HTR4: variants seen among roughly 807,000 people sequenced by gnomAD.
The protein encoded by HTR4 is 5-hydroxytryptamine (serotonin) receptor 4, G protein-coupled.
HTR4 carries 16 observed loss-of-function variants against 36.8 expected under a neutral mutation model. The ratio of observed to expected loss-of-function variants is 0.43; its 90% CI spans 0.29 to 0.66. The LOEUF is 0.66. Among genes scored for constraint, HTR4 ranks in the 30% least tolerant of loss-of-function variants. The pLI, the probability that HTR4 is intolerant of heterozygous loss-of-function variation, is 0.13. For synonymous variants in HTR4, 189 were observed against 185.1 expected, an observed-to-expected ratio of 1.02 and a Z score of -0.17; for missense variants, 438 against 490.9, an observed-to-expected ratio of 0.89 and a Z score of 1.02.
intron 5 of HTR4, among the ~76,000 whole-genome samples, chr5:148,515,535 C>T (rs566814432): frequency 1.3e-5 from 2 of 152,196 alleles, no homozygotes; most frequent in Admixed American, 6.5e-5. Flanking sequence ...AAATTCCCTT[C>T]GTTTTTGTTT....
chr5:148,652,501 G>C (rs1421476030), intron 1 of HTR4, among the ~76,000 whole-genome samples: 1 of 152,208 alleles, frequency 6.6e-6, no homozygotes, highest in Non-Finnish European at 1.5e-5. Flanking sequence ...AGGTCCAGAA[G>C]AGCAGGGTGA....
chr5:148,507,158 A>T (rs937413257), intron 6 of HTR4, among the ~76,000 whole-genome samples: 1 of 151,970 alleles, frequency 6.6e-6, no homozygotes, highest in Non-Finnish European at 1.5e-5. Flanking sequence ...GATTAAGAAA[A>T]TGTGGCACAT....
intron 2 of HTR4, among the ~76,000 whole-genome samples, chr5:148,635,208 T>G (rs191946977): frequency 1.1e-4 from 17 of 152,320 alleles, no homozygotes; most frequent in African/African-American, 4.1e-4. Flanking sequence ...ATTGTTGGCA[T>G]ACCACCTAAA....
intron 4 of HTR4, among the ~76,000 whole-genome samples, chr5:148,543,376 G>C (rs1376078896): frequency 6.6e-6 from 1 of 152,158 alleles, no homozygotes; most frequent in Non-Finnish European, 1.5e-5. Flanking sequence ...TCAAATCCTT[G>C]TAGAGAGCCA....
At chr5:148,477,565 C>A (rs138717456), downstream of HTR4, among the ~76,000 whole-genome samples, 42 of 152,278 alleles carry the variant, frequency 2.8e-4, no homozygotes, top group East Asian at 7.5e-3. Flanking sequence ...TGGAAAAATT[C>A]CACATTAACT....
At chr5:148,481,535 CTT>C, downstream of HTR4, 2 of 1,427,934 alleles carry the variant, frequency 1.4e-6, no homozygotes, top group Admixed American at 2.1e-5. Flanking sequence ...GACAGAGAGG[CTT>C]TTTTTTTTCT....
downstream of HTR4, chr5:148,481,487 A>G (rs1428277018): frequency 7.5e-7 from 1 of 1,334,236 alleles, no homozygotes. Flanking sequence ...CCTTCCCTAA[A>G]ACATGACTTT....
At chr5:148,511,619 T>TTGTGTG (rs529668445) in intron 5 of HTR4, among the ~76,000 whole-genome samples, 1,491 of 139,286 alleles carry the variant, frequency 0.011, 17 homozygotes, top group African/African-American at 0.034. Flanking sequence ...TTGTGGAAGT[T>TTGTGTG]TGTGTGTGTG....
chr5:148,464,647 G>C (rs781615539), intron 5 of HTR4, among the ~76,000 whole-genome samples: 1 of 152,148 alleles, frequency 6.6e-6, no homozygotes, highest in Non-Finnish European at 1.5e-5. Context: ...ATGCAAAATG[G>C]TTTAGCCACT....
intron 2 of HTR4, among the ~76,000 whole-genome samples, 156 bp from the exon 3 acceptor site, chr5:148,550,418 C>G (rs888494745): frequency 6.6e-6 from 1 of 152,170 alleles, no homozygotes; most frequent in Non-Finnish European, 1.5e-5. Context: ...AAATCTGAAC[C>G]GGTCGCTTGA....
chr5:148,638,504 T>C (rs1299824899), intron 1 of HTR4, among the ~76,000 whole-genome samples: 1 of 152,204 alleles, frequency 6.6e-6, no homozygotes, highest in Admixed American at 6.5e-5. Context: ...TACTATTCAC[T>C]GTAGACTCCC....
intron 2 of HTR4, among the ~76,000 whole-genome samples, chr5:148,595,683 T>C (rs1018179373): frequency 2.0e-5 from 3 of 152,348 alleles, no homozygotes; most frequent in African/African-American, 7.2e-5. Flanking sequence ...GCAAATCATC[T>C]TGCCGTAAGC....
intron 2 of HTR4, among the ~76,000 whole-genome samples, chr5:148,559,683 C>T (rs1760104118): frequency 6.6e-6 from 1 of 152,120 alleles, no homozygotes; most frequent in Non-Finnish European, 1.5e-5. Context: ...AGGACTTGTT[C>T]AATGACTGCG....
intron 6 of HTR4, among the ~76,000 whole-genome samples, chr5:148,498,059 A>G (rs954033247): frequency 6.6e-6 from 1 of 152,222 alleles, no homozygotes; most frequent in Non-Finnish European, 1.5e-5. Flanking sequence ...TACACTAGTT[A>G]GTACAATTTT....
At chr5:148,574,918 A>T (rs1389380757) in intron 2 of HTR4, among the ~76,000 whole-genome samples, 1 of 152,104 alleles carries the variant, frequency 6.6e-6, no homozygotes, top group East Asian at 1.9e-4. Flanking sequence ...TGGAGCTTAT[A>T]ATAACCCAAG....
chr5:148,521,454 A>T (rs976634962), intron 5 of HTR4, among the ~76,000 whole-genome samples: 3 of 151,870 alleles, frequency 2.0e-5, no homozygotes, highest in Non-Finnish European at 2.9e-5. Context: ...TCAAGCTGTG[A>T]TATCAGTTTT....
chr5:148,509,403 C>T (rs758704714), intron 6 of HTR4, 53 bp downstream of exon 6: 1 of 1,345,598 alleles, frequency 7.4e-7, no homozygotes, highest in Non-Finnish European at 1.0e-6. Context: ...GAGCATTACC[C>T]CTTCTGAGTA....
chr5:148,567,033 C>T (rs906090394), intron 2 of HTR4, among the ~76,000 whole-genome samples: 1 of 151,908 alleles, frequency 6.6e-6, no homozygotes, highest in Non-Finnish European at 1.5e-5. Context: ...TATATGAAAT[C>T]CGCACGTATT....
intron 2 of HTR4, among the ~76,000 whole-genome samples, chr5:148,623,139 G>T (rs1271020405): frequency 1.3e-5 from 2 of 152,062 alleles, no homozygotes; most frequent in East Asian, 1.9e-4. Flanking sequence ...AGAGGAAGAG[G>T]AGGAAAAGAC....
Sources: allele counts gnomAD v4.1 joint callset (sites outside exome capture counted in the v4.1 genomes callset), GRCh38; gene constraint gnomAD v4.1.1; transcripts MANE v1.5; gene names NCBI Gene and HGNC (gene_info 2026-07-23, HGNC 2026-07-21).